ERG: variants seen among roughly 807,000 people sequenced by gnomAD.
ERG encodes transcriptional regulator ERG.
In ERG, 9 loss-of-function variants were observed where a neutral mutation model predicts 55.3. The observed-to-expected ratio is 0.16, with a 90% CI of 0.10 to 0.28. The LOEUF (loss-of-function observed/expected upper bound fraction) is 0.28. Among genes scored for constraint, ERG ranks in the 10% least tolerant of loss-of-function variants. The pLI is 1.00. For missense variants in ERG, 434 were observed against 631.6 expected, an observed-to-expected ratio of 0.69 and a Z score of 3.35; for synonymous variants, 223 against 237.3, an observed-to-expected ratio of 0.94 and a Z score of 0.55.
intron 2 of ERG, among the ~76,000 whole-genome samples, chr21:38,437,086 A>T (rs2058797934): frequency 6.6e-6 from 1 of 151,838 alleles, no homozygotes; most frequent in Admixed American, 6.6e-5. Flanking sequence ...TGGGGGTTTC[A>T]CCATGTTGGC....
chr21:38,372,618 T>C, the ERG span, among the ~76,000 whole-genome samples: 1 of 152,082 alleles, frequency 6.6e-6, no homozygotes, highest in Admixed American at 6.5e-5. Context: ...TTTTTCTACT[T>C]AACTTTTAAT....
intron 1 of ERG, among the ~76,000 whole-genome samples, chr21:38,490,850 C>T (rs1481990439): frequency 1.3e-5 from 2 of 152,226 alleles, no homozygotes; most frequent in Non-Finnish European, 2.9e-5. Context: ...ATCCGTTGCA[C>T]GGAAGATAAG....
upstream of ERG, among the ~76,000 whole-genome samples, chr21:38,499,776 G>A (rs573654747): frequency 2.5e-4 from 36 of 144,588 alleles, no homozygotes; most frequent in East Asian, 8.9e-4. Context: ...GGAAGAGGGC[G>A]AGAAAAAATG....
intron 9 of ERG, among the ~76,000 whole-genome samples, chr21:38,385,465 T>A (rs1227318197): frequency 6.6e-6 from 1 of 152,238 alleles, no homozygotes; most frequent in African/African-American, 2.4e-5. Flanking sequence ...TTCATTTTCT[T>A]CTAAATCCTC....
At chr21:38,447,000 G>A (rs2836409) in intron 1 of ERG, among the ~76,000 whole-genome samples, 1 of 151,670 alleles carries the variant, frequency 6.6e-6, no homozygotes, top group Non-Finnish European at 1.5e-5. Flanking sequence ...ACATAAATAA[G>A]GGTGCTTCCC....
upstream of ERG, among the ~76,000 whole-genome samples, chr21:38,588,590 A>T (rs1262713018): frequency 1.3e-5 from 2 of 151,722 alleles, no homozygotes; most frequent in Non-Finnish European, 2.9e-5. Flanking sequence ...AGCCAACAAA[A>T]CCTCCCTCAG....
chr21:38,499,106 T>C (rs866631377), upstream of ERG, among the ~76,000 whole-genome samples: 7 of 152,236 alleles, frequency 4.6e-5, no homozygotes, highest in South Asian at 2.1e-4. Context: ...ACTCTAGGCT[T>C]ACAGTAAACA....
chr21:38,613,870 C>A (rs1487605275), intron 1 of ERG, among the ~76,000 whole-genome samples: 1 of 152,198 alleles, frequency 6.6e-6, no homozygotes, highest in Non-Finnish European at 1.5e-5. Context: ...CTTCAGCCGG[C>A]CCCTGCCCAG....
At chr21:38,564,830 T>A (rs571202621) in intron 2 of ERG, among the ~76,000 whole-genome samples, 3 of 152,296 alleles carry the variant, frequency 2.0e-5, no homozygotes, top group African/African-American at 7.2e-5. Context: ...TCAACCCTAA[T>A]GCTCTTCTGC....
At chr21:38,587,953 T>C (rs1315428982), upstream of ERG, among the ~76,000 whole-genome samples, 4 of 152,220 alleles carry the variant, frequency 2.6e-5, no homozygotes, top group Admixed American at 1.3e-4. Flanking sequence ...CTCTTAAATA[T>C]GTGCAATGGG....
intron 2 of ERG, among the ~76,000 whole-genome samples, chr21:38,571,347 CA>C (rs11378960): frequency 6.6e-6 from 1 of 150,984 alleles, no homozygotes; most frequent in African/African-American, 2.4e-5. Flanking sequence ...CTTGTCTCTA[CA>C]AAAAAAATAA....
intron 1 of ERG, among the ~76,000 whole-genome samples, chr21:38,651,845 C>T (rs1405102434): frequency 6.6e-6 from 1 of 152,208 alleles, no homozygotes; most frequent in Non-Finnish European, 1.5e-5. Flanking sequence ...TGATGCTGCC[C>T]TGGTTCCCAC....
At chr21:38,415,005 G>A (rs989554) in intron 3 of ERG, among the ~76,000 whole-genome samples, 125,487 of 152,140 alleles carry the variant, frequency 0.82, 52,093 homozygotes, top group South Asian at 0.9. Context: ...CACCTCCTTT[G>A]TTTACTTAAG....
At chr21:38,651,493 G>A (rs891919015) in intron 1 of ERG, among the ~76,000 whole-genome samples, 2 of 152,100 alleles carry the variant, frequency 1.3e-5, no homozygotes, top group Non-Finnish European at 2.9e-5. Context: ...GGATTTTGAA[G>A]ATTTCATATA....
chr21:38,381,039 CT>C lies in ERG; in HGVS notation c.*2363del. 9.4e-7 allele frequency: 1 copy of C among 1,064,526 alleles called. No homozygotes were observed. Among genetic ancestry groups the C allele is most frequent in the Non-Finnish European group, 1.1e-6 (1 of 878,828 alleles). 65.9% of individuals were successfully genotyped at this position (1,064,526 alleles called of 1,614,324 possible). On this transcript the variant is annotated 3_prime_UTR_variant, in exon 10 of 10. Coordinates refer to ENST00000288319, the MANE Select transcript of ERG (RefSeq NM_182918.4). ...AAGGAGATACGGGCACTTTGTGGGC[CT>C]TCCCAGGCTGCTGCAAAATGATGGA... is the stretch of plus-strand genomic sequence containing the variant.
intron 1 of ERG, among the ~76,000 whole-genome samples, chr21:38,630,421 T>C (rs1413482951): frequency 6.6e-6 from 1 of 152,080 alleles, no homozygotes; most frequent in Non-Finnish European, 1.5e-5. Context: ...ACATGGCTGC[T>C]CCAACTCCAG....
At chr21:38,375,159 C>A (rs753909329), downstream of ERG, among the ~76,000 whole-genome samples, 80 of 152,144 alleles carry the variant, frequency 5.3e-4, no homozygotes, top group Non-Finnish European at 9.8e-4. Context: ...TTGTTAAGAT[C>A]ATTTTTTCTA....
At chr21:38,430,966 A>AG (rs975088967) in intron 2 of ERG, among the ~76,000 whole-genome samples, 1 of 152,020 alleles carries the variant, frequency 6.6e-6, no homozygotes, top group African/African-American at 2.4e-5. Flanking sequence ...ATGGAAATAA[A>AG]AAAAACCAGA....
chr21:38,375,123 G>T (rs1987207775), downstream of ERG, among the ~76,000 whole-genome samples: 1 of 152,056 alleles, frequency 6.6e-6, no homozygotes, highest in African/African-American at 2.4e-5. Context: ...AGCATCTATA[G>T]CTTTCATTCA....
Sources: gnomAD v4.1 joint callset for allele counts (sites outside exome capture counted in the v4.1 genomes callset) on GRCh38, gnomAD v4.1.1 for gene constraint, MANE v1.5 for transcripts, NCBI Gene and HGNC (gene_info 2026-07-23, HGNC 2026-07-21) for gene names.